CDIN1: variants seen among roughly 807,000 people sequenced by gnomAD.
CDIN1 encodes the protein CDAN1 interacting nuclease 1, also known as CDAN1-interacting nuclease 1.
In CDIN1, 33 loss-of-function variants were observed where a neutral mutation model predicts 45.3. The ratio of observed to expected loss-of-function variants is 0.73; its 90% confidence interval spans 0.55 to 0.97. The LOEUF (loss-of-function observed/expected upper bound fraction) is 0.97, where lower values mean the gene tolerates loss of function less well. Ranked by LOEUF, CDIN1 falls within the 50% of genes least tolerant of loss-of-function variation. CDIN1 has a pLI of 0.00. For missense variants in CDIN1, 303 were observed against 339.4 expected, an observed-to-expected ratio of 0.89 and a Z score of 0.84; for synonymous variants, 118 against 124.4, an observed-to-expected ratio of 0.95 and a Z score of 0.34.
At chr15:36,690,464 TTC>T (rs1453686987) in intron 5 of CDIN1, among the ~76,000 whole-genome samples, 1 of 151,890 alleles carries the variant, frequency 6.6e-6, no homozygotes, top group Non-Finnish European at 1.5e-5. Context: ...GAGACGGGGT[TTC>T]ACCTTGTTAG....
intron 7 of CDIN1, among the ~76,000 whole-genome samples, chr15:36,695,297 C>T (rs139408774): frequency 6.6e-6 from 1 of 152,118 alleles, no homozygotes; most frequent in East Asian, 1.9e-4. Flanking sequence ...CAAGGAGTGA[C>T]GTGACCAGGT....
At chr15:36,581,729 A>C (rs768055104) in intron 1 of CDIN1, among the ~76,000 whole-genome samples, 5 of 151,992 alleles carry the variant, frequency 3.3e-5, no homozygotes, top group Non-Finnish European at 7.4e-5. Context: ...AATCCAAAAA[A>C]TTAGCTGGGT....
chr15:36,614,941 C>A (rs2038819922), intron 1 of CDIN1, among the ~76,000 whole-genome samples: 1 of 151,952 alleles, frequency 6.6e-6, no homozygotes, highest in African/African-American at 2.4e-5. Flanking sequence ...GGATCATGTC[C>A]CCCCTTATGT....
chr15:36,749,285 A>G (rs2053393139), intron 10 of CDIN1, among the ~76,000 whole-genome samples: 1 of 152,328 alleles, frequency 6.6e-6, no homozygotes, highest in African/African-American at 2.4e-5. Flanking sequence ...ATACTGCATT[A>G]TAAATGAATT....
At position 36,690,453 on chromosome 15, in the gene CDIN1, A is replaced by C. The variant is rs2042206180; in HGVS notation, c.347-1232A>C. Reference sequence around the variant, plus strand: ...CCTGCTAATTTTTTGCATTTTTAGTAGAGACGGGGTTTCACCTTGTTAGCC... The same window carrying C: ...CCTGCTAATTTTTTGCATTTTTAGTCGAGACGGGGTTTCACCTTGTTAGCC... On this transcript the variant is annotated intron_variant, in intron 5 of 10. Coordinates refer to ENST00000566621, the MANE Select transcript of CDIN1 (RefSeq NM_001321759.2). Among the ~76,000 whole-genome samples the C allele has an allele frequency of 3.9e-5, 6 of 151,978 alleles. No individual in the cohort carries two copies. In the South Asian group the frequency reaches 1.3e-3, roughly 32 times the overall value.
intron 10 of CDIN1, among the ~76,000 whole-genome samples, chr15:36,784,743 T>C (rs2054445256): frequency 7.0e-6 from 1 of 142,336 alleles, no homozygotes; most frequent in Non-Finnish European, 1.5e-5. Context: ...GCTAACTAAA[T>C]TCTCCCCCTT....
intron 5 of CDIN1, among the ~76,000 whole-genome samples, chr15:36,681,941 G>T (rs758549134): frequency 1.3e-5 from 2 of 152,138 alleles, no homozygotes; most frequent in African/African-American, 2.4e-5. Flanking sequence ...CAGAGAATGG[G>T]ATTCAAGAAG....
chr15:36,760,098 T>A (rs1380791474), intron 10 of CDIN1, among the ~76,000 whole-genome samples: 1 of 152,186 alleles, frequency 6.6e-6, no homozygotes, highest in African/African-American at 2.4e-5. Context: ...TCTATAAATA[T>A]AGCTCTATGT....
intron 10 of CDIN1, among the ~76,000 whole-genome samples, chr15:36,762,989 A>G (rs1474353170): frequency 1.3e-5 from 2 of 152,046 alleles, no homozygotes; most frequent in Non-Finnish European, 2.9e-5. Flanking sequence ...ATGATTTATA[A>G]TCCTTTGGGT....
rs1475003047 is a variant in CDIN1 at position 36,709,894 on chromosome 15, G to C, written c.649G>C (p.Ala217Pro). Reference protein sequence around the residue: ...GHIIHWIESKASFGDECSHHA... With the variant: ...GHIIHWIESKPSFGDECSHHA... ...CATAATTCACTGGATTGAAAGCAAA[G>C]CCTCATTTGGTGATGAATGTAGCCA... The change falls in exon 10 of 11, where the codon GCC becomes CCC. Residue 217 changes from alanine (A) to proline (P), a missense_variant. By Grantham distance (27) the Ala-to-Pro change is conservative. Coordinates refer to ENST00000566621, the MANE Select transcript of CDIN1 (RefSeq NM_001321759.2). 5 of 1,613,232 alleles carry C rather than the reference G, an allele frequency of 3.1e-6. No individual in the cohort carries two copies. The highest frequency in any genetic ancestry group is 1.3e-5 in the African/African-American group (1 of 74,866).
chr15:36,623,721 G>A (rs547850454), intron 1 of CDIN1, among the ~76,000 whole-genome samples: 8 of 152,332 alleles, frequency 5.3e-5, no homozygotes, highest in Admixed American at 2.0e-4. Context: ...TAAATTCCAC[G>A]AACTGTCTAA....
intron 5 of CDIN1, among the ~76,000 whole-genome samples, chr15:36,676,366 T>C (rs530725191): frequency 1.3e-5 from 2 of 152,300 alleles, no homozygotes; most frequent in South Asian, 4.1e-4. Flanking sequence ...TAGAATTAAC[T>C]GCTTTCTAAT....
At chr15:36,679,733 T>C (rs1183993646) in intron 5 of CDIN1, among the ~76,000 whole-genome samples, 1 of 152,188 alleles carries the variant, frequency 6.6e-6, no homozygotes, top group Admixed American at 6.5e-5. Context: ...TGCTTGCTCT[T>C]GGAACCCACC....
At position 36,644,171 on chromosome 15, in the gene CDIN1, T is replaced by A. The variant is rs141598082; in HGVS notation, c.102-107T>A. 4,346 of 1,026,594 alleles carry A rather than the reference T, an allele frequency of 4.2e-3. 13 individuals carry two copies. The highest frequency in any genetic ancestry group is 5.4e-3 in the Non-Finnish European group (3,643 of 677,742). The allele number at this position is 1,026,594 out of a possible 1,614,324, so 63.6% of individuals were successfully genotyped here. A position where few individuals can be genotyped will look rare whatever the true frequency, so the allele number is the denominator to read the frequency against. ...CAACTTTTCCACACTTGTTTTCATG[T>A]TCTGTTAGATTACAGGGCAGCAGGC... On this transcript the variant is annotated intron_variant, in intron 1 of 10. Coordinates refer to ENST00000566621, the MANE Select transcript of CDIN1 (RefSeq NM_001321759.2).
chr15:36,585,078 T>A (rs1182720849), intron 1 of CDIN1, among the ~76,000 whole-genome samples: 1 of 152,228 alleles, frequency 6.6e-6, no homozygotes, highest in Non-Finnish European at 1.5e-5. Flanking sequence ...TATAAGGTTA[T>A]ATTTTACATT....
At chr15:36,699,269 A>G (rs2042547129) in intron 8 of CDIN1, among the ~76,000 whole-genome samples, 1 of 152,194 alleles carries the variant, frequency 6.6e-6, no homozygotes, top group Non-Finnish European at 1.5e-5. Flanking sequence ...AAAGCTTTGT[A>G]TGAAATATTG....
chr15:36,765,061 C>A lies in CDIN1; in HGVS notation c.717-43263C>A, dbSNP rs2381893. Among the ~76,000 whole-genome samples the A allele has an allele frequency of 3.3e-3, 475 of 143,310 alleles. 7 individuals carry two copies. Among genetic ancestry groups the A allele is most frequent in the African/African-American group, 0.012 (465 of 39,030 alleles). The allele number at this position is 143,310 out of a possible 152,430, so 94.0% of individuals were successfully genotyped here. On this transcript the variant is annotated intron_variant, in intron 10 of 10. Transcript: ENST00000566621. ...TCTTTTCTTTTATTTTTCTTTCTTTCTTTTTTTTTTTTTAGATGGAGTCTC... is the reference window on the plus strand; with the variant it reads ...TCTTTTCTTTTATTTTTCTTTCTTTATTTTTTTTTTTTTAGATGGAGTCTC...
chr15:36,762,537 A>G (rs1389294705), intron 10 of CDIN1, among the ~76,000 whole-genome samples: 6 of 152,162 alleles, frequency 3.9e-5, no homozygotes, highest in Non-Finnish European at 8.8e-5. Flanking sequence ...GTACATGTGC[A>G]CAACGTGCAG....
chr15:36,652,909 A>T (rs1462591913), intron 3 of CDIN1, among the ~76,000 whole-genome samples: 1 of 152,214 alleles, frequency 6.6e-6, no homozygotes, highest in African/African-American at 2.4e-5. Context: ...TCACTTAAAT[A>T]ATATACTGTA....
Sources: allele counts gnomAD v4.1 joint callset (sites outside exome capture counted in the v4.1 genomes callset), GRCh38; gene constraint gnomAD v4.1.1; transcripts MANE v1.5; gene names NCBI Gene and HGNC (gene_info 2026-07-23, HGNC 2026-07-21).